BFSP1: variants seen among roughly 807,000 people sequenced by gnomAD.
BFSP1 encodes beaded filament structural protein 1.
Under a neutral mutation model 43.9 loss-of-function variants are expected in BFSP1, and 38 were observed. The observed-to-expected ratio is 0.87, with a 90% CI of 0.67 to 1.14. The LOEUF (loss-of-function observed/expected upper bound fraction) is 1.14, where lower values mean the gene tolerates loss of function less well. BFSP1 is among the 50% of genes most tolerant of loss of function. The pLI is 0.00. For synonymous variants in BFSP1, 352 were observed against 354.8 expected (o/e 0.99, Z 0.09); for missense variants, 850 against 875.1 (o/e 0.97, Z 0.36).
chr20:17,505,316 C>A (rs1360307080), intron 5 of BFSP1, among the ~76,000 whole-genome samples: 3 of 152,242 alleles, frequency 2.0e-5, no homozygotes, highest in Admixed American at 2.0e-4. Context: ...GGCGCACCGG[C>A]CCGCCCCAGA....
At chr20:17,539,105 C>CTTCTTTTTTTTTTTTT (rs34002192) in intron 1 of BFSP1, among the ~76,000 whole-genome samples, 2 of 63,564 alleles carry the variant, frequency 3.1e-5, no homozygotes, top group Non-Finnish European at 2.9e-5. Context: ...ATTTCTTCTT[C>CTTCTTTTTTTTTTTTT]TTTTTTTTTT....
chr20:17,559,293 G>T (rs1192515490), upstream of BFSP1, among the ~76,000 whole-genome samples: 1 of 152,126 alleles, frequency 6.6e-6, no homozygotes, highest in African/African-American at 2.4e-5. Flanking sequence ...TTTGTCTAGA[G>T]CCCAAGGCCT....
At chr20:17,546,316 T>C (rs2123570098) in intron 1 of BFSP1, among the ~76,000 whole-genome samples, 1 of 152,262 alleles carries the variant, frequency 6.6e-6, no homozygotes, top group Non-Finnish European at 1.5e-5. Context: ...ATTCACTCAC[T>C]ATCATGAGAA....
intron 5 of BFSP1, among the ~76,000 whole-genome samples, chr20:17,504,910 T>TTTTTTTG (rs1555801532): frequency 7.2e-5 from 10 of 139,192 alleles, no homozygotes; most frequent in East Asian, 2.0e-4. Flanking sequence ...GTAAGGTTTT[T>TTTTTTTG]TTTTTGTTTT....
chr20:17,502,996 C>T (rs565399056), intron 5 of BFSP1, among the ~76,000 whole-genome samples: 48 of 152,022 alleles, frequency 3.2e-4, no homozygotes, highest in African/African-American at 1.1e-3. Flanking sequence ...AGGGATGGGG[C>T]GGGAGGGCTC....
rs374450655 is a variant in BFSP1, at chr20:17,545,927, T to C, written c.2+12761A>G. On this transcript the variant is annotated intron_variant, in intron 1 of 7. Coordinates refer to the BFSP1 transcript ENST00000377868. ...ACTTGAAACAAAAATGGTGTGTTCCTCCTCTTGCTTTCTGAAAATGTGCTA... is the reference window on the plus strand; with the variant it reads ...ACTTGAAACAAAAATGGTGTGTTCCCCCTCTTGCTTTCTGAAAATGTGCTA... 3.2e-4 allele frequency among the ~76,000 whole-genome samples: 49 copies of C among 152,344 alleles called. 1 individual carries two copies. In the South Asian group the frequency reaches 9.9e-3, roughly 31 times the overall value.
chr20:17,531,511 C>A, upstream of BFSP1: 1 of 924,062 alleles, frequency 1.1e-6, no homozygotes, highest in Non-Finnish European at 1.4e-6. Flanking sequence ...GAGCAGCGGC[C>A]CGCTTTGTGC....
intron 2 of BFSP1, among the ~76,000 whole-genome samples, chr20:17,518,168 T>G (rs921563857): frequency 6.6e-6 from 1 of 152,206 alleles, no homozygotes; most frequent in Non-Finnish European, 1.5e-5. Flanking sequence ...CTGAAGTTTT[T>G]GGGGGTTTTT....
Position 17,546,764 on chromosome 20 carries a change from G to A in BFSP1, c.2+11924C>T, listed in dbSNP as rs371776875. 1.9e-4 allele frequency among the ~76,000 whole-genome samples: 29 copies of A among 152,038 alleles called. 1 individual carries two copies. Among genetic ancestry groups the A allele is most frequent in the East Asian group, 5.8e-4 (3 of 5,154 alleles). On this transcript the variant is annotated intron_variant, in intron 1 of 7. Transcript: ENST00000377868. The stretch of plus-strand genomic sequence containing the variant: ...GTTTCAGCTAGGAGCGGTGGCTTAC[G>A]CCTGTAATCCCAATACTTTGGGAGG...
chr20:17,552,742 C>A (rs2034915656), intron 1 of BFSP1, among the ~76,000 whole-genome samples: 1 of 152,122 alleles, frequency 6.6e-6, no homozygotes, highest in Non-Finnish European at 1.5e-5. Flanking sequence ...AGGATAAAAT[C>A]TGAAGCTGGA....
intron 1 of BFSP1, among the ~76,000 whole-genome samples, chr20:17,566,595 G>T (rs1390413462): frequency 6.6e-6 from 1 of 152,118 alleles, no homozygotes; most frequent in Non-Finnish European, 1.5e-5. Context: ...CCCACTTCCT[G>T]GTTCATAGAT....
upstream of BFSP1, among the ~76,000 whole-genome samples, chr20:17,536,207 A>G (rs1027714693): frequency 1.3e-5 from 2 of 152,242 alleles, no homozygotes; most frequent in African/African-American, 4.8e-5. Context: ...AATATCAGAA[A>G]TTAGTGAAAT....
At chr20:17,522,528 G>C (rs540079990) in intron 2 of BFSP1, among the ~76,000 whole-genome samples, 1 of 152,254 alleles carries the variant, frequency 6.6e-6, no homozygotes, top group East Asian at 1.9e-4. Context: ...ATTTGGAAAG[G>C]AATATTTTAT....
intron 1 of BFSP1, among the ~76,000 whole-genome samples, chr20:17,543,662 T>C (rs1332153935): frequency 1.3e-5 from 2 of 152,116 alleles, no homozygotes; most frequent in Non-Finnish European, 2.9e-5. Context: ...TTACAAAAAA[T>C]CTATCAGCTC....
At chr20:17,547,897 A>ATTTTTTTTT (rs71192391) in intron 1 of BFSP1, among the ~76,000 whole-genome samples, 142 of 101,860 alleles carry the variant, frequency 1.4e-3, no homozygotes, top group African/African-American at 2.1e-3. Flanking sequence ...TGCCCGGCCA[A>ATTTTTTTTT]TTTTTTTTTT....
chr20:17,513,205 G>A (rs1335502758), intron 3 of BFSP1, among the ~76,000 whole-genome samples: 1 of 152,168 alleles, frequency 6.6e-6, no homozygotes, highest in Non-Finnish European at 1.5e-5. Flanking sequence ...ACAAGTCCTT[G>A]CTCTGCTCCC....
chr20:17,552,709 T>G (rs1305162859), intron 1 of BFSP1, among the ~76,000 whole-genome samples: 1 of 152,044 alleles, frequency 6.6e-6, no homozygotes, highest in African/African-American at 2.4e-5. Flanking sequence ...TGTACTGATG[T>G]GGGATGTGAA....
chr20:17,517,613 TAAATA>T (rs1434501090), intron 2 of BFSP1, among the ~76,000 whole-genome samples: 1 of 152,210 alleles, frequency 6.6e-6, no homozygotes, highest in Non-Finnish European at 1.5e-5. Flanking sequence ...GTAGCCACTT[TAAATA>T]AAATAAAAAG....
intron 4 of BFSP1, among the ~76,000 whole-genome samples, chr20:17,511,504 T>G (rs2034078015): frequency 6.6e-6 from 1 of 152,080 alleles, no homozygotes; most frequent in Non-Finnish European, 1.5e-5. Flanking sequence ...GGCAGATGAG[T>G]GCACAAAAGG....
Sources: allele counts gnomAD v4.1 joint callset (sites outside exome capture counted in the v4.1 genomes callset), GRCh38; gene constraint gnomAD v4.1.1; transcripts MANE v1.5; gene names NCBI Gene and HGNC (gene_info 2026-07-23, HGNC 2026-07-21).